PPP1R13B: variants seen among roughly 807,000 people sequenced by gnomAD.
PPP1R13B encodes the protein protein phosphatase 1 regulatory subunit 13B, also known as apoptosis-stimulating of p53 protein 1.
PPP1R13B carries 44 observed loss-of-function variants against 119.8 expected under a neutral mutation model. The observed-to-expected ratio is 0.37, with a 90% CI of 0.29 to 0.47. The LOEUF (loss-of-function observed/expected upper bound fraction) is 0.47. PPP1R13B is among the 20% of genes least tolerant of loss of function. The pLI is 0.99. For synonymous variants in PPP1R13B, 542 were observed against 561.5 expected, an observed-to-expected ratio of 0.97 and a Z score of 0.49; for missense variants, 1,227 against 1,413.5, an observed-to-expected ratio of 0.87 and a Z score of 2.12.
At chr14:103,781,006 AAGAG>A (rs991381762) in intron 3 of PPP1R13B, among the ~76,000 whole-genome samples, 1 of 151,920 alleles carries the variant, frequency 6.6e-6, no homozygotes, top group African/African-American at 2.4e-5. Context: ...CGGGGCATGA[AAGAG>A]AGAGTGAATG....
chr14:103,831,718 T>C lies in PPP1R13B; in HGVS notation c.9+15581A>G, dbSNP rs1201372630. On this transcript the variant is annotated intron_variant, in intron 1 of 16. Coordinates refer to ENST00000202556, the MANE Select transcript of PPP1R13B (RefSeq NM_015316.3). ...TGGGAGGCCAAGGTGGGTGGATCAC[T>C]TGAGGACAGGAGTTCAAGACCAACC... Among the ~76,000 whole-genome samples the C allele has an allele frequency of 2.6e-5, 4 of 151,780 alleles. No homozygotes were observed. In the East Asian group the frequency reaches 7.8e-4, roughly 30 times the overall value.
rs746593375 is a variant in PPP1R13B at position 103,836,047 on chromosome 14, C to CT, written c.9+11251dup. 8.1e-3 allele frequency among the ~76,000 whole-genome samples: 1,079 copies of CT among 133,572 alleles called. 11 individuals carry two copies. The highest frequency in any genetic ancestry group is 0.024 in the African/African-American group (860 of 36,570). 87.6% of individuals were successfully genotyped at this position (133,572 alleles called of 152,430 possible). A position where few individuals can be genotyped will look rare whatever the true frequency, so the allele number is the denominator to read the frequency against. On this transcript the variant is annotated intron_variant, in intron 1 of 16. Coordinates refer to ENST00000202556, the MANE Select transcript of PPP1R13B (RefSeq NM_015316.3). ...TAAGCCATGGCGCCTGGCCTACTGACTTTTTTTTTTTTTTTTAAGACACAG... is the reference window on the plus strand; with the variant it reads ...TAAGCCATGGCGCCTGGCCTACTGACTTTTTTTTTTTTTTTTTAAGACACAG...
At chr14:103,789,850 C>T (rs1340523748) in intron 2 of PPP1R13B, among the ~76,000 whole-genome samples, 1 of 152,088 alleles carries the variant, frequency 6.6e-6, no homozygotes, top group African/African-American at 2.4e-5. Flanking sequence ...TGTCTTCCTG[C>T]TTTATATTGT....
chr14:103,780,472 T>C (rs2085310013), intron 3 of PPP1R13B, among the ~76,000 whole-genome samples: 2 of 82,610 alleles, frequency 2.4e-5, no homozygotes, highest in African/African-American at 1.1e-4. Flanking sequence ...GGGTAACAAG[T>C]GAAACCCTGT....
chr14:103,752,118 TTTATG>T (rs2084563619), intron 7 of PPP1R13B, among the ~76,000 whole-genome samples: 1 of 151,896 alleles, frequency 6.6e-6, no homozygotes, highest in African/African-American at 2.4e-5. Context: ...TTTTTAAATA[TTTATG>T]TTATATTTAC....
intron 1 of PPP1R13B, among the ~76,000 whole-genome samples, chr14:103,811,613 A>G (rs2086157909): frequency 6.6e-6 from 1 of 151,736 alleles, no homozygotes; most frequent in African/African-American, 2.4e-5. Flanking sequence ...GCTTGAGCCC[A>G]GAAGGTCGAG....
At chr14:103,824,618 C>G (rs1291509356) in intron 1 of PPP1R13B, among the ~76,000 whole-genome samples, 1 of 151,202 alleles carries the variant, frequency 6.6e-6, no homozygotes, top group Non-Finnish European at 1.5e-5. Flanking sequence ...ATCGGTTGAA[C>G]TGGGAGGTAG....
In PPP1R13B at chr14:103,733,248, T is replaced by A; in HGVS notation, c.*1906A>T. 1 of 561,292 alleles carries A rather than the reference T, an allele frequency of 1.8e-6. No individual in the cohort carries two copies. Among genetic ancestry groups the A allele is most frequent in the Non-Finnish European group, 3.1e-6 (1 of 319,862 alleles). 34.8% of individuals were successfully genotyped at this position (561,292 alleles called of 1,614,324 possible). ...TTTAGAATTTGTGTATTGTCAATACTTAATTGGGGGTGGGAGAGACTGAGC... is the reference window on the plus strand; with the variant it reads ...TTTAGAATTTGTGTATTGTCAATACATAATTGGGGGTGGGAGAGACTGAGC... On this transcript the variant is annotated 3_prime_UTR_variant, in exon 17 of 17. Coordinates refer to ENST00000202556, the MANE Select transcript of PPP1R13B (RefSeq NM_015316.3).
chr14:103,848,412 C>T (rs904623398), upstream of PPP1R13B: 4 of 985,366 alleles, frequency 4.1e-6, no homozygotes, highest in African/African-American at 3.5e-5. Context: ...TGACAGAGCC[C>T]TGGGCAGGGC....
At chr14:103,814,994 T>C (rs569942892) in intron 1 of PPP1R13B, among the ~76,000 whole-genome samples, 2 of 151,886 alleles carry the variant, frequency 1.3e-5, no homozygotes, top group Non-Finnish European at 2.9e-5. Flanking sequence ...ATGTAAAAAC[T>C]TGGAAATATT....
At position 103,736,110 on chromosome 14, in the gene PPP1R13B, C is replaced by A; in HGVS notation, c.3124G>T (p.Glu1042Ter). 6.2e-7 allele frequency: 1 copy of A among 1,614,230 alleles called. No homozygotes were observed. Residue 1042 changes from glutamate (E) to a stop codon, truncating the protein, a stop_gained, in exon 16 of 17, where the codon GAA (glutamate) becomes TAA (stop). Transcript: ENST00000202556. LOFTEE classifies it high-confidence loss of function. ...AQNSDELSFH[E>*]GDALTILRRK... The stretch of plus-strand genomic sequence containing the variant: ...CTCAGGATGGTGAGGGCGTCCCCTT[C>A]GTGGAAGGACAGCTCGTCACTGTTC...
chr14:103,819,640 T>G (rs1421944496), intron 1 of PPP1R13B, among the ~76,000 whole-genome samples: 3 of 152,092 alleles, frequency 2.0e-5, no homozygotes, highest in African/African-American at 2.4e-5. Context: ...ACTGTAAAGT[T>G]AGCTCTGACA....
chr14:103,783,594 C>T (rs2085385718), intron 3 of PPP1R13B, among the ~76,000 whole-genome samples: 1 of 151,382 alleles, frequency 6.6e-6, no homozygotes. Context: ...GTTGCCCTGG[C>T]TGGCTGGAGT....
At chr14:103,756,080 T>G (rs962484187) in intron 5 of PPP1R13B, among the ~76,000 whole-genome samples, 14 of 152,036 alleles carry the variant, frequency 9.2e-5, no homozygotes, top group African/African-American at 3.4e-4. Context: ...TAAAGCCAGT[T>G]TGGAATTTTT....
rs2084616941 is a variant in PPP1R13B, at chr14:103,754,088, T to C, written c.613A>G (p.Ile205Val). The C allele has an allele frequency of 6.2e-7, 1 of 1,613,994 alleles. No homozygotes were observed. The highest frequency in any genetic ancestry group is 2.2e-5 in the East Asian group (1 of 44,874). Residue 205 changes from isoleucine (I) to valine (V), a missense_variant, in exon 6 of 17, where the codon ATC becomes GTC. Ile to Val is a conservative substitution (Grantham distance 29). Transcript: ENST00000202556. ...AMRGQVDYSK[I>V]MNGNLSAEIE... is the part of the protein sequence containing the mutation. ...CACGTACACAGATTGCCGTTCATGA[T>C]TTTGCTGTAGTCGACTTGTCCTCTC...
At chr14:103,770,658 C>T (rs2085046403) in intron 4 of PPP1R13B, among the ~76,000 whole-genome samples, 2 of 152,128 alleles carry the variant, frequency 1.3e-5, no homozygotes, top group Admixed American at 1.3e-4. Context: ...AAACGCATCC[C>T]ATGCCACATG....
At chr14:103,744,321 A>G (rs972732489) in intron 9 of PPP1R13B, among the ~76,000 whole-genome samples, 1 of 152,196 alleles carries the variant, frequency 6.6e-6, no homozygotes, top group African/African-American at 2.4e-5. Context: ...TAAACTCAGA[A>G]ATATCTTAAT....
At position 103,735,277 on chromosome 14, in the gene PPP1R13B, C is replaced by T. The variant is rs188003671; in HGVS notation, c.3232-82G>A. The T allele has an allele frequency of 1.8e-4, 243 of 1,384,464 alleles. 1 individual carries two copies. The African/African-American group carries it at 3.2e-3, about 18-fold the overall frequency. 85.8% of individuals were successfully genotyped at this position (1,384,464 alleles called of 1,614,324 possible). On this transcript the variant is annotated intron_variant, in intron 16 of 16. Coordinates refer to ENST00000202556, the MANE Select transcript of PPP1R13B (RefSeq NM_015316.3). ...GCCAGACCCGACCCCTGCTCCTCAC[C>T]TCAGCCACCCTGGACAGCCGTGCAG... is the stretch of plus-strand genomic sequence containing the variant.
At chr14:103,758,880 A>G (rs1187309152) in intron 4 of PPP1R13B, among the ~76,000 whole-genome samples, 1 of 152,118 alleles carries the variant, frequency 6.6e-6, no homozygotes, top group Non-Finnish European at 1.5e-5. Flanking sequence ...CTGTTCCTCC[A>G]GCTCCATGTC....
Sources: allele counts gnomAD v4.1 joint callset (sites outside exome capture counted in the v4.1 genomes callset), GRCh38; gene constraint gnomAD v4.1.1; transcripts MANE v1.5; gene names NCBI Gene and HGNC (gene_info 2026-07-23, HGNC 2026-07-21).